AFG2A: variants seen among roughly 807,000 people sequenced by gnomAD.
AFG2A encodes the protein ATPase family gene 2 protein homolog A.
chr4:123,176,324 G>A, the AFG2A span, among the ~76,000 whole-genome samples: 3 of 152,140 alleles, frequency 2.0e-5, no homozygotes, highest in Admixed American at 6.5e-5. Context: ...AGAATACCAA[G>A]TGAGTCTCAG....
chr4:123,283,482 C>T, the AFG2A span, among the ~76,000 whole-genome samples: 8 of 152,062 alleles, frequency 5.3e-5, no homozygotes, highest in African/African-American at 1.9e-4. Flanking sequence ...AAAAGAACAG[C>T]AGTTTTCTTA....
chr4:123,172,797 C>G, the AFG2A span, among the ~76,000 whole-genome samples: 5 of 152,002 alleles, frequency 3.3e-5, no homozygotes, highest in African/African-American at 1.2e-4. Flanking sequence ...ATCATTTTTT[C>G]TAGAGACAAG....
the AFG2A span, among the ~76,000 whole-genome samples, chr4:123,101,751 A>G: frequency 4.6e-5 from 7 of 151,920 alleles, no homozygotes; most frequent in Admixed American, 6.6e-5. Flanking sequence ...GCTTTTGCAT[A>G]ATGCCAGCAA....
the AFG2A span, among the ~76,000 whole-genome samples, chr4:123,072,546 A>C: frequency 6.6e-6 from 1 of 152,328 alleles, no homozygotes; most frequent in South Asian, 2.1e-4. Flanking sequence ...AAAACAGCCC[A>C]AAAAAGTGAG....
At chr4:122,934,498 C>T in the AFG2A span, 2 of 1,614,078 alleles carry the variant, frequency 1.2e-6, no homozygotes, top group Non-Finnish European at 1.7e-6. Flanking sequence ...AAATGAGCAA[C>T]TTACTGAAGA....
the AFG2A span, among the ~76,000 whole-genome samples, chr4:123,004,063 T>G: frequency 6.6e-6 from 1 of 152,194 alleles, no homozygotes; most frequent in Non-Finnish European, 1.5e-5. Context: ...GATCTCAGAC[T>G]GCTGTGCTAG....
chr4:123,242,156 A>G, the AFG2A span, among the ~76,000 whole-genome samples: 33 of 151,584 alleles, frequency 2.2e-4, no homozygotes, highest in East Asian at 5.9e-3. Context: ...GATGGGAAGA[A>G]TCAATATTGT....
At chr4:122,940,458 T>C in the AFG2A span, among the ~76,000 whole-genome samples, 7 of 152,222 alleles carry the variant, frequency 4.6e-5, no homozygotes, top group African/African-American at 7.2e-5. Context: ...TCATATCCTT[T>C]GCCCACTTTT....
the AFG2A span, among the ~76,000 whole-genome samples, chr4:123,080,884 A>G: frequency 6.7e-6 from 1 of 150,256 alleles, no homozygotes; most frequent in Non-Finnish European, 1.5e-5. Flanking sequence ...TCGCTCCAAC[A>G]TTTTTCTAAT....
the AFG2A span, among the ~76,000 whole-genome samples, chr4:123,106,601 T>C: frequency 6.6e-6 from 1 of 152,242 alleles, no homozygotes; most frequent in Non-Finnish European, 1.5e-5. Flanking sequence ...GCCTCCTGCT[T>C]CTCCGCTCTT....
the AFG2A span, among the ~76,000 whole-genome samples, chr4:122,942,914 G>C: frequency 3.3e-5 from 5 of 151,698 alleles, no homozygotes; most frequent in East Asian, 9.7e-4. Flanking sequence ...TTCAGGAGCA[G>C]GTTGTTCAGT....
chr4:123,263,009 C>T, the AFG2A span, among the ~76,000 whole-genome samples: 1 of 152,072 alleles, frequency 6.6e-6, no homozygotes, highest in African/African-American at 2.4e-5. Context: ...ATATGATTGG[C>T]AGAAAGAGTC....
chr4:123,256,100 C>T, the AFG2A span: 2 of 1,614,108 alleles, frequency 1.2e-6, no homozygotes, highest in Non-Finnish European at 1.7e-6. Flanking sequence ...ATTTAAGCTG[C>T]AGTTTCACTC....
At chr4:123,060,979 C>T in the AFG2A span, among the ~76,000 whole-genome samples, 1,383 of 152,292 alleles carry the variant, frequency 9.1e-3, 9 homozygotes, top group Non-Finnish European at 0.014. Context: ...CAAAATGCCA[C>T]CAGTCTCTTT....
chr4:122,946,717 A>C, the AFG2A span, among the ~76,000 whole-genome samples: 2 of 151,862 alleles, frequency 1.3e-5, no homozygotes, highest in Non-Finnish European at 2.9e-5. Context: ...TATATTGTTG[A>C]CTCTTATTTT....
chr4:123,311,697 G>C, the AFG2A span, among the ~76,000 whole-genome samples: 1 of 148,212 alleles, frequency 6.7e-6, no homozygotes, highest in Non-Finnish European at 1.5e-5. Context: ...AGGAAAGTAA[G>C]TGATTCTGCA....
At chr4:123,295,484 A>C in the AFG2A span, among the ~76,000 whole-genome samples, 1 of 152,274 alleles carries the variant, frequency 6.6e-6, no homozygotes, top group African/African-American at 2.4e-5. Flanking sequence ...TGGGTTAAAT[A>C]AACTATGCTC....
the AFG2A span, among the ~76,000 whole-genome samples, chr4:123,243,302 G>A: frequency 7.2e-5 from 11 of 152,200 alleles, 1 homozygote. Flanking sequence ...GCACACGTAT[G>A]TTTATTGCAG....
At chr4:123,170,985 CAGTT>C in the AFG2A span, among the ~76,000 whole-genome samples, 1 of 152,148 alleles carries the variant, frequency 6.6e-6, no homozygotes, top group Non-Finnish European at 1.5e-5. Context: ...ATGATTCAAA[CAGTT>C]AGAACGGTAC....
Sources: allele counts gnomAD v4.1 joint callset (sites outside exome capture counted in the v4.1 genomes callset), GRCh38; gene constraint gnomAD v4.1.1; transcripts MANE v1.5; gene names NCBI Gene and HGNC (gene_info 2026-07-23, HGNC 2026-07-21).